The following TRIM5 variants were observed in gnomAD, a reference collection of about 807,000 sequenced individuals.
TRIM5 encodes tripartite motif containing 5, also known as tripartite motif-containing protein 5.
Under a neutral mutation model 35.6 loss-of-function variants are expected in TRIM5, and 31 were observed. That is an observed-to-expected ratio of 0.87 (90% CI 0.65 to 1.18). The LOEUF (loss-of-function observed/expected upper bound fraction) is 1.18, where lower values mean the gene tolerates loss of function less well. TRIM5 is among the 50% of genes most tolerant of loss of function. The probability of loss-of-function intolerance (pLI) is 0.00; values close to 1 mark genes in which losing one functional copy is unlikely to be tolerated. For missense variants in TRIM5, 609 were observed against 591.6 expected (o/e 1.03, Z -0.31); for synonymous variants, 243 against 215.6 (o/e 1.13, Z -1.11).
chr11:5,614,160 G>T, the TRIM5 span, among the ~76,000 whole-genome samples: 1 of 152,130 alleles, frequency 6.6e-6, no homozygotes. Flanking sequence ...CTATGAAAAA[G>T]AACTCTAAAA....
At chr11:5,593,632 A>G in the TRIM5 span, among the ~76,000 whole-genome samples, 1 of 152,216 alleles carries the variant, frequency 6.6e-6, no homozygotes, top group East Asian at 1.9e-4. Flanking sequence ...GTTAATATCC[A>G]CTTATTGCTA....
chr11:5,610,691 C>A, the TRIM5 span: 1 of 1,571,578 alleles, frequency 6.4e-7, no homozygotes, highest in South Asian at 1.2e-5. Flanking sequence ...TCCAGTTCCT[C>A]CAACCACTTC....
chr11:5,666,580 G>A (rs993588707), intron 5 of TRIM5, among the ~76,000 whole-genome samples: 2 of 152,158 alleles, frequency 1.3e-5, no homozygotes, highest in Non-Finnish European at 2.9e-5. Context: ...AGAGGCCTAA[G>A]ACCTTCAAAG....
the TRIM5 span, chr11:5,611,195 G>A: frequency 1.9e-6 from 3 of 1,613,952 alleles, no homozygotes; most frequent in Admixed American, 1.7e-5. Context: ...TAGATTATGA[G>A]GCTGGTACTG....
At chr11:5,615,373 TTC>T in the TRIM5 span, among the ~76,000 whole-genome samples, 1 of 152,226 alleles carries the variant, frequency 6.6e-6, no homozygotes, top group Non-Finnish European at 1.5e-5. Context: ...ATTTGCCTAT[TTC>T]TCCTGCAATT....
chr11:5,660,373 C>G (rs140587427), downstream of TRIM5, among the ~76,000 whole-genome samples: 720 of 152,272 alleles, frequency 4.7e-3, 9 homozygotes, highest in African/African-American at 0.016. Flanking sequence ...TGAAAAGCCA[C>G]AGAAACAGGA....
intron 1 of TRIM5, among the ~76,000 whole-genome samples, chr11:5,682,688 TAG>T (rs1182241713): frequency 2.0e-5 from 3 of 152,106 alleles, no homozygotes; most frequent in Non-Finnish European, 4.4e-5. Flanking sequence ...AACATATCAC[TAG>T]AGTGTTAAGT....
In TRIM5 at chr11:5,680,105, G is replaced by A; in HGVS notation, c.73C>T (p.Pro25Ser). The A allele has an allele frequency of 6.2e-7, 1 of 1,614,084 alleles. No individual in the cohort carries two copies. Among genetic ancestry groups the A allele is most frequent in the African/African-American group, 1.3e-5 (1 of 75,026 alleles). ...CPICLELLTQ[P>S]LSLDCGHSFC... ...CTGTGGCCGCAGTCCAGGCTCAGGGGTTGTGTCAGGAGTTCCAGGCAGATG... is the reference window on the plus strand; with the variant it reads ...CTGTGGCCGCAGTCCAGGCTCAGGGATTGTGTCAGGAGTTCCAGGCAGATG... The change falls in exon 2 of 8, where the codon CCC (proline) becomes TCC (serine). Residue 25 changes from proline (P) to serine (S), a missense_variant. By Grantham distance (74) the Pro-to-Ser change is moderately conservative (BLOSUM62 -1). Coordinates refer to ENST00000380034, the MANE Select transcript of TRIM5 (RefSeq NM_033034.3).
chr11:5,617,451 A>G, the TRIM5 span, among the ~76,000 whole-genome samples: 6 of 141,958 alleles, frequency 4.2e-5, 1 homozygote, highest in Admixed American at 4.3e-4. Flanking sequence ...CTCTGTGTCA[A>G]TCACGTTTCT....
At chr11:5,633,134 G>A in the TRIM5 span, among the ~76,000 whole-genome samples, 2 of 136,810 alleles carry the variant, frequency 1.5e-5, no homozygotes, top group Admixed American at 7.9e-5. Flanking sequence ...CACCATGCCC[G>A]GCCTTTTCTT....
chr11:5,657,712 A>T, the TRIM5 span, among the ~76,000 whole-genome samples: 2 of 131,986 alleles, frequency 1.5e-5, no homozygotes, highest in African/African-American at 2.9e-5. Context: ...ATATAAATAT[A>T]TATATATATT....
chr11:5,646,660 C>T, the TRIM5 span, among the ~76,000 whole-genome samples: 63,052 of 151,994 alleles, frequency 0.41, 14,007 homozygotes, highest in Non-Finnish European at 0.49. Context: ...AATTGACTCC[C>T]AAACCTCTGA....
chr11:5,660,724 A>G (rs1850785068), downstream of TRIM5, among the ~76,000 whole-genome samples: 1 of 151,992 alleles, frequency 6.6e-6, no homozygotes, highest in Non-Finnish European at 1.5e-5. Flanking sequence ...GTGTTGGAGT[A>G]TGGTGGTTAA....
At chr11:5,676,829 C>T (rs1361411270) in intron 4 of TRIM5, among the ~76,000 whole-genome samples, 1 of 150,406 alleles carries the variant, frequency 6.6e-6, no homozygotes, top group Non-Finnish European at 1.5e-5. Context: ...CTTTGACAAA[C>T]CTGAGAAAAA....
chr11:5,683,941 C>T (rs1852795234), intron 1 of TRIM5: 1 of 152,296 alleles, frequency 6.6e-6, no homozygotes, highest in Non-Finnish European at 1.5e-5. Flanking sequence ...CTTAATACTG[C>T]TCACTCTTTG....
intron 5 of TRIM5, among the ~76,000 whole-genome samples, chr11:5,667,006 T>C (rs1361864656): frequency 6.6e-6 from 1 of 152,086 alleles, no homozygotes; most frequent in African/African-American, 2.4e-5. Context: ...AAAGAAGATA[T>C]GGCCCATCCA....
the TRIM5 span, among the ~76,000 whole-genome samples, chr11:5,634,178 C>T: frequency 1.3e-5 from 2 of 152,108 alleles, no homozygotes; most frequent in African/African-American, 4.8e-5. Flanking sequence ...TCTACTACTT[C>T]TGGTGGAAGA....
the TRIM5 span, chr11:5,595,167 C>A: frequency 6.6e-6 from 1 of 152,200 alleles, no homozygotes; most frequent in Non-Finnish European, 1.5e-5. Context: ...TGTATGGACA[C>A]CCCAGTCCCT....
At chr11:5,676,461 A>G (rs1317816776) in intron 4 of TRIM5, among the ~76,000 whole-genome samples, 5 of 152,232 alleles carry the variant, frequency 3.3e-5, no homozygotes, top group South Asian at 4.1e-4. Context: ...AAAAGAGGAT[A>G]CAAACAAATG....
Sources: gnomAD v4.1 joint callset for allele counts (sites outside exome capture counted in the v4.1 genomes callset) on GRCh38, gnomAD v4.1.1 for gene constraint, MANE v1.5 for transcripts, NCBI Gene and HGNC (gene_info 2026-07-23, HGNC 2026-07-21) for gene names.